Variants in HCN1 observed in about 807,000 individuals in gnomAD.
The protein encoded by HCN1 is potassium/sodium hyperpolarization-activated cyclic nucleotide-gated channel 1.
In HCN1, 13 loss-of-function variants were observed where a neutral mutation model predicts 78.9. The observed-to-expected ratio is 0.16, with a 90% CI of 0.11 to 0.26. HCN1 has a LOEUF of 0.26. HCN1 is among the 10% of genes least tolerant of loss of function. The pLI is 1.00. For synonymous variants in HCN1, 552 were observed against 455.5 expected (o/e 1.21, Z -2.70); for missense variants, 810 against 1,154.3 (o/e 0.70, Z 4.32).
Position 45,543,755 on chromosome 5 carries a change from G to A in HCN1, c.850-81748C>T, listed in dbSNP as rs1054104473. Among the ~76,000 whole-genome samples the A allele has an allele frequency of 4.6e-5, 7 of 152,010 alleles. No homozygotes were observed. In the East Asian group the frequency reaches 1.4e-3, roughly 29 times the overall value. ...AAGCCTATGTAAAAATCTAAACACA[G>A]GAACATGTAAAAGTCCTTCTATGCT... On this transcript the variant is annotated intron_variant, in intron 2 of 7. Coordinates refer to ENST00000303230, the MANE Select transcript of HCN1 (RefSeq NM_021072.4).
intron 2 of HCN1, among the ~76,000 whole-genome samples, chr5:45,529,703 CA>C (rs1379949258): frequency 6.6e-6 from 1 of 151,854 alleles, no homozygotes; most frequent in Non-Finnish European, 1.5e-5. Context: ...AATATTTTCT[CA>C]AAAGTTAAGG....
At chr5:45,306,533 A>T (rs1745736985) in intron 5 of HCN1, among the ~76,000 whole-genome samples, 1 of 152,126 alleles carries the variant, frequency 6.6e-6, no homozygotes, top group Non-Finnish European at 1.5e-5. Context: ...AAATTCTAAC[A>T]GATATGATAG....
intron 4 of HCN1, among the ~76,000 whole-genome samples, chr5:45,378,478 A>G (rs1747735959): frequency 6.6e-6 from 1 of 152,100 alleles, no homozygotes; most frequent in Non-Finnish European, 1.5e-5. Context: ...GCCAGGCAAC[A>G]TCAGAATATA....
chr5:45,617,124 ATAAGT>A (rs1189708641), intron 2 of HCN1, among the ~76,000 whole-genome samples: 1 of 152,080 alleles, frequency 6.6e-6, no homozygotes. Flanking sequence ...CGGCTGCCAT[ATAAGT>A]TAAGAGAACA....
At chr5:45,523,732 T>C (rs1267307854) in intron 2 of HCN1, among the ~76,000 whole-genome samples, 1 of 152,196 alleles carries the variant, frequency 6.6e-6, no homozygotes, top group East Asian at 1.9e-4. Context: ...GTAAATTTCT[T>C]TGAGTTCATT....
intron 2 of HCN1, among the ~76,000 whole-genome samples, chr5:45,549,791 A>C (rs1051761588): frequency 2.0e-5 from 3 of 152,174 alleles, no homozygotes; most frequent in African/African-American, 7.2e-5. Context: ...GAACTCAAAC[A>C]AATTTACAAG....
intron 7 of HCN1, among the ~76,000 whole-genome samples, chr5:45,265,444 C>T (rs564197737): frequency 4.1e-4 from 62 of 152,218 alleles, no homozygotes; most frequent in African/African-American, 1.4e-3. Context: ...GGTATTGTCT[C>T]CCTGAATGAG....
intron 5 of HCN1, among the ~76,000 whole-genome samples, chr5:45,323,274 T>C (rs895913302): frequency 1.4e-4 from 21 of 151,860 alleles, no homozygotes; most frequent in Non-Finnish European, 2.9e-4. Flanking sequence ...ATGATGTTCT[T>C]ATATTGATTG....
intron 5 of HCN1, among the ~76,000 whole-genome samples, chr5:45,346,929 G>T (rs1746730602): frequency 2.0e-5 from 3 of 152,214 alleles, no homozygotes; most frequent in African/African-American, 7.2e-5. Context: ...CTCCACCTCT[G>T]GGGGCAGGGC....
intron 2 of HCN1, among the ~76,000 whole-genome samples, chr5:45,498,248 C>A (rs1742093764): frequency 6.6e-6 from 1 of 152,138 alleles, no homozygotes; most frequent in Non-Finnish European, 1.5e-5. Context: ...TTGGTCTTTT[C>A]ACATAGTCCC....
intron 2 of HCN1, among the ~76,000 whole-genome samples, chr5:45,499,055 C>T (rs899643329): frequency 6.6e-6 from 1 of 152,204 alleles, no homozygotes; most frequent in African/African-American, 2.4e-5. Flanking sequence ...GCCCTGCCCC[C>T]AGAGGTGGAG....
intron 6 of HCN1, among the ~76,000 whole-genome samples, chr5:45,272,401 A>T (rs985804000): frequency 2.0e-5 from 3 of 152,004 alleles, no homozygotes; most frequent in African/African-American, 7.2e-5. Context: ...ATTCTACTGA[A>T]TTTCTGTTTC....
At chr5:45,344,865 C>A (rs1746665413) in intron 5 of HCN1, among the ~76,000 whole-genome samples, 2 of 152,138 alleles carry the variant, frequency 1.3e-5, no homozygotes, top group Non-Finnish European at 2.9e-5. Context: ...ATTCTGGGGT[C>A]TGGAGGATGG....
intron 1 of HCN1, among the ~76,000 whole-genome samples, chr5:45,679,933 C>T (rs1417403809): frequency 1.3e-5 from 2 of 152,002 alleles, no homozygotes; most frequent in African/African-American, 4.8e-5. Flanking sequence ...GCTGAATACA[C>T]TGCACTATTA....
intron 1 of HCN1, among the ~76,000 whole-genome samples, chr5:45,690,431 C>G (rs1413930537): frequency 6.6e-6 from 1 of 151,968 alleles, no homozygotes; most frequent in Non-Finnish European, 1.5e-5. Flanking sequence ...TAATCAACTT[C>G]TATATATATT....
intron 2 of HCN1, among the ~76,000 whole-genome samples, chr5:45,486,912 G>C (rs1305057471): frequency 6.6e-6 from 1 of 152,062 alleles, no homozygotes; most frequent in Non-Finnish European, 1.5e-5. Flanking sequence ...AACCATCTAT[G>C]TTAGGTGGTA....
intron 6 of HCN1, among the ~76,000 whole-genome samples, chr5:45,295,460 C>T (rs193264338): frequency 7.9e-5 from 12 of 152,052 alleles, no homozygotes; most frequent in Admixed American, 3.9e-4. Flanking sequence ...TACAACACTA[C>T]GTAAGACCTC....
At chr5:45,375,455 GAT>G (rs1747607504) in intron 4 of HCN1, among the ~76,000 whole-genome samples, 1 of 105,400 alleles carries the variant, frequency 9.5e-6, no homozygotes, top group South Asian at 2.8e-4. Context: ...CATATTTTAT[GAT>G]ACATATGATA....
chr5:45,400,645 G>A (rs984461383), intron 3 of HCN1, among the ~76,000 whole-genome samples: 2 of 151,916 alleles, frequency 1.3e-5, no homozygotes, highest in Non-Finnish European at 2.9e-5. Flanking sequence ...CACCTCAGGC[G>A]ATCCACCTGC....
Sources: allele counts gnomAD v4.1 joint callset (sites outside exome capture counted in the v4.1 genomes callset), GRCh38; gene constraint gnomAD v4.1.1; transcripts MANE v1.5; gene names NCBI Gene and HGNC (gene_info 2026-07-23, HGNC 2026-07-21).